ASIC2: variants seen among roughly 807,000 people sequenced by gnomAD.
ASIC2 encodes the protein acid sensing ion channel subunit 2.
ASIC2 carries 25 observed loss-of-function variants against 57.3 expected under a neutral mutation model. That is an observed-to-expected ratio of 0.44 (90% CI 0.32 to 0.61). ASIC2 has a LOEUF of 0.61. ASIC2 is among the 20% of genes least tolerant of loss of function. The probability of loss-of-function intolerance (pLI) is 0.06; values close to 1 mark genes in which losing one functional copy is unlikely to be tolerated. For synonymous variants in ASIC2, 319 were observed against 307.5 expected, an observed-to-expected ratio of 1.04 and a Z score of -0.39; for missense variants, 641 against 738.1, an observed-to-expected ratio of 0.87 and a Z score of 1.52.
At chr17:33,852,643 G>A (rs1913802835) in intron 1 of ASIC2, among the ~76,000 whole-genome samples, 1 of 151,340 alleles carries the variant, frequency 6.6e-6, no homozygotes, top group African/African-American at 2.4e-5. Flanking sequence ...TGAGCTGAGG[G>A]CTGTCTGATT....
intron 1 of ASIC2, among the ~76,000 whole-genome samples, chr17:33,289,998 T>C (rs1463587580): frequency 6.6e-6 from 1 of 152,196 alleles, no homozygotes; most frequent in Non-Finnish European, 1.5e-5. Context: ...AGAAATCACT[T>C]AGAAGCATAT....
chr17:33,310,571 A>G (rs1220001545), intron 1 of ASIC2, among the ~76,000 whole-genome samples: 1 of 152,184 alleles, frequency 6.6e-6, no homozygotes, highest in Non-Finnish European at 1.5e-5. Context: ...TTTGATCCTT[A>G]GGCTCAGAAC....
At position 33,600,591 on chromosome 17, in the gene ASIC2, G is replaced by A. The variant is rs138880588; in HGVS notation, c.556-488524C>T. ...AAAAGCCTATATTGCAATAAATGAA[G>A]CATTAACCCATTTATGCCTGAGGTG... On this transcript the variant is annotated intron_variant, in intron 1 of 9. Coordinates refer to the ASIC2 transcript ENST00000359872. 2.9e-3 allele frequency among the ~76,000 whole-genome samples: 446 copies of A among 152,258 alleles called. 10 individuals are homozygous for A. The highest frequency in any genetic ancestry group is 0.011 in the East Asian group (58 of 5,174).
intron 1 of ASIC2, among the ~76,000 whole-genome samples, chr17:33,663,742 G>T (rs559201368): frequency 6.6e-6 from 1 of 152,246 alleles, no homozygotes; most frequent in South Asian, 2.1e-4. Flanking sequence ...CTTGCCAACG[G>T]ATAGCAGGTT....
intron 6 of ASIC2, among the ~76,000 whole-genome samples, chr17:33,022,724 G>A (rs1018927222): frequency 7.9e-5 from 12 of 152,158 alleles, no homozygotes; most frequent in African/African-American, 2.9e-4. Context: ...CTAGAACTTG[G>A]CAGACAACAG....
At chr17:33,196,562 C>T (rs1222581071) in intron 1 of ASIC2, among the ~76,000 whole-genome samples, 2 of 152,112 alleles carry the variant, frequency 1.3e-5, no homozygotes, top group Admixed American at 6.5e-5. Flanking sequence ...TGCCATTGTC[C>T]GAGGCATGAA....
At chr17:33,409,860 C>T (rs1159756983) in intron 1 of ASIC2, among the ~76,000 whole-genome samples, 1 of 152,214 alleles carries the variant, frequency 6.6e-6, no homozygotes, top group Non-Finnish European at 1.5e-5. Flanking sequence ...TTGTTCTATT[C>T]TAGCACTGTT....
chr17:33,524,057 C>T (rs955625490), intron 1 of ASIC2, among the ~76,000 whole-genome samples: 1 of 152,188 alleles, frequency 6.6e-6, no homozygotes, highest in Non-Finnish European at 1.5e-5. Flanking sequence ...GAGCAGGTAT[C>T]TTTCACTTTC....
At chr17:34,153,540 A>G (rs1278873016) in intron 1 of ASIC2, among the ~76,000 whole-genome samples, 7 of 152,170 alleles carry the variant, frequency 4.6e-5, no homozygotes, top group Non-Finnish European at 4.4e-5. Flanking sequence ...TCCTCACTAC[A>G]AGGTCTTGAG....
intron 1 of ASIC2, among the ~76,000 whole-genome samples, chr17:34,035,054 A>G (rs1907812125): frequency 6.6e-6 from 1 of 150,890 alleles, no homozygotes; most frequent in Non-Finnish European, 1.5e-5. Context: ...TGCATCGCCA[A>G]GTCAATCCTA....
At chr17:33,947,659 T>C (rs1240128972) in intron 1 of ASIC2, among the ~76,000 whole-genome samples, 7 of 152,210 alleles carry the variant, frequency 4.6e-5, no homozygotes, top group African/African-American at 1.4e-4. Flanking sequence ...TCAGGATCCA[T>C]TGAGGATGAA....
chr17:33,334,539 C>G (rs944080174), intron 1 of ASIC2, among the ~76,000 whole-genome samples: 7 of 152,176 alleles, frequency 4.6e-5, no homozygotes, highest in African/African-American at 1.2e-4. Context: ...TCTAGTCTGT[C>G]CCAAAGAGAC....
intron 1 of ASIC2, among the ~76,000 whole-genome samples, chr17:33,650,381 C>T (rs986231929): frequency 3.9e-5 from 6 of 152,108 alleles, no homozygotes; most frequent in South Asian, 2.1e-4. Context: ...ACATTACTGG[C>T]GAGCATGTAA....
At chr17:33,738,254 G>A (rs944251336) in intron 1 of ASIC2, among the ~76,000 whole-genome samples, 4 of 152,290 alleles carry the variant, frequency 2.6e-5, no homozygotes, top group African/African-American at 9.6e-5. Flanking sequence ...CTTAGATGTG[G>A]TTGATGATGG....
intron 1 of ASIC2, among the ~76,000 whole-genome samples, chr17:33,415,218 C>G (rs1267176500): frequency 1.3e-5 from 2 of 152,200 alleles, no homozygotes; most frequent in Non-Finnish European, 2.9e-5. Context: ...TTGGAATCTA[C>G]ACAGTATTGG....
At position 33,028,372 on chromosome 17, in the gene ASIC2, C is replaced by G. The variant is rs777584698; in HGVS notation, c.1008G>C (p.Pro336=). The G allele has an allele frequency of 6.2e-7, 1 of 1,613,990 alleles. No individual in the cohort carries two copies. The highest frequency in any genetic ancestry group is 8.5e-7 in the Non-Finnish European group (1 of 1,180,022). ...TCTCTGAGGATCGGCACTCACCCCA[C>G]GGTGGGGGCAGGTATGTGAGCTGCA... The part of the protein sequence containing the change: ...QEQRLTYLPP[P]WGECRSSEMG... Residue 336 remains proline (P), a synonymous_variant, in exon 4 of 10, where the codon CCG becomes CCC. Coordinates refer to ENST00000225823, the MANE Select transcript of ASIC2 (RefSeq NM_183377.2).
At chr17:33,254,388 T>A (rs1419652377) in intron 1 of ASIC2, among the ~76,000 whole-genome samples, 1 of 152,250 alleles carries the variant, frequency 6.6e-6, no homozygotes, top group Non-Finnish European at 1.5e-5. Flanking sequence ...CCTTCTTGGA[T>A]GAAATACTTC....
At chr17:33,784,731 A>T (rs1195681631) in intron 1 of ASIC2, among the ~76,000 whole-genome samples, 2 of 152,202 alleles carry the variant, frequency 1.3e-5, no homozygotes, top group African/African-American at 4.8e-5. Flanking sequence ...CTTGATTCCC[A>T]TGAACCACAT....
At chr17:33,921,753 G>A (rs1247594966) in intron 1 of ASIC2, among the ~76,000 whole-genome samples, 2 of 152,224 alleles carry the variant, frequency 1.3e-5, no homozygotes, top group African/African-American at 2.4e-5. Flanking sequence ...CGACCACAGT[G>A]CATTCAGTCC....
Sources: gnomAD v4.1 joint callset for allele counts (sites outside exome capture counted in the v4.1 genomes callset) on GRCh38, gnomAD v4.1.1 for gene constraint, MANE v1.5 for transcripts, NCBI Gene and HGNC (gene_info 2026-07-23, HGNC 2026-07-21) for gene names.